Variants in SNRPN observed in about 807,000 individuals in gnomAD.
The protein encoded by SNRPN is small nuclear ribonucleoprotein polypeptide N, also known as small nuclear ribonucleoprotein-associated protein N.
Under a neutral mutation model 25.2 loss-of-function variants are expected in SNRPN, and 7 were observed. The observed-to-expected ratio is 0.28, with a 90% CI of 0.16 to 0.52. The LOEUF is 0.52. Among genes scored for constraint, SNRPN ranks in the 20% least tolerant of loss-of-function variants. SNRPN has a pLI of 0.96. For missense variants in SNRPN, 196 were observed against 322.5 expected, an observed-to-expected ratio of 0.61 and a Z score of 3.00; for synonymous variants, 124 against 110.6, an observed-to-expected ratio of 1.12 and a Z score of -0.76.
intron 2 of SNRPN, among the ~76,000 whole-genome samples, chr15:24,911,992 G>T (rs1349530580): frequency 2.6e-5 from 4 of 152,178 alleles, no homozygotes; most frequent in Non-Finnish European, 1.5e-5. Context: ...GGGTCCCCTG[G>T]GGGCTTGGGA....
intron 1 of SNRPN, among the ~76,000 whole-genome samples, chr15:24,864,883 T>G (rs559430032): frequency 6.6e-6 from 1 of 152,234 alleles, no homozygotes; most frequent in Non-Finnish European, 1.5e-5. Flanking sequence ...CTTAATTTTA[T>G]TGGGGTTTTA....
At chr15:24,962,362 A>G (rs2074967241) in intron 2 of SNRPN, among the ~76,000 whole-genome samples, 153 bp downstream of exon 2, 1 of 152,250 alleles carries the variant, frequency 6.6e-6, no homozygotes, top group Non-Finnish European at 1.5e-5. Flanking sequence ...TGAAATTCTT[A>G]ACCATATTAT....
upstream of SNRPN, among the ~76,000 whole-genome samples, chr15:24,952,578 C>T (rs2062362891): frequency 6.6e-6 from 1 of 152,102 alleles, no homozygotes; most frequent in Admixed American, 6.5e-5. Flanking sequence ...CCCATTGTGA[C>T]CTCTCAGACT....
chr15:24,941,803 G>C (rs2061573249), intron 3 of SNRPN, among the ~76,000 whole-genome samples: 1 of 151,942 alleles, frequency 6.6e-6, no homozygotes, highest in Non-Finnish European at 1.5e-5. Context: ...TTTTTAGACA[G>C]AGTCTCACTC....
chr15:24,857,196 T>C (rs1274156027), intron 1 of SNRPN, among the ~76,000 whole-genome samples: 1 of 148,346 alleles, frequency 6.7e-6, no homozygotes. Context: ...ACATTGCGAC[T>C]CCCATTCTAA....
chr15:24,920,971 T>C (rs1883409624), intron 3 of SNRPN, among the ~76,000 whole-genome samples: 1 of 152,122 alleles, frequency 6.6e-6, no homozygotes, highest in Admixed American at 6.6e-5. Context: ...AAGTAGATAA[T>C]GATTGAAAGA....
Position 24,957,299 on chromosome 15 carries a change from G to A in SNRPN, c.-391+2237G>A, listed in dbSNP as rs147750595. 1.7e-3 allele frequency among the ~76,000 whole-genome samples: 255 copies of A among 152,286 alleles called. 1 individual carries two copies. Among genetic ancestry groups the A allele is most frequent in the African/African-American group, 6.0e-3 (249 of 41,562 alleles). The stretch of plus-strand genomic sequence containing the variant: ...CACTGGACCTCTTCATCTTCTGGGA[G>A]TTGAAAGCTGCAAGTTTTGTGCTCA... On this transcript the variant is annotated intron_variant, in intron 1 of 9. Transcript: ENST00000390687.
chr15:24,928,360 TGTG>T lies in SNRPN; in HGVS notation c.-391+8240_-391+8242del, dbSNP rs1433536477. Among the ~76,000 whole-genome samples, 17 of 152,076 alleles carry T rather than the reference TGTG, an allele frequency of 1.1e-4. No individual in the cohort carries two copies. In the East Asian group the frequency reaches 1.7e-3, roughly 16 times the overall value. ...TCAACAGACAAATGGATTAAAAAAATGTGGTGCATATACACAATGGAATACTAT... is the reference window on the plus strand; with the variant it reads ...TCAACAGACAAATGGATTAAAAAAATGTGCATATACACAATGGAATACTAT... On this transcript the variant is annotated intron_variant, in intron 3 of 11. Transcript: ENST00000400097.
chr15:24,904,439 G>C (rs1168287673), intron 2 of SNRPN, among the ~76,000 whole-genome samples: 1 of 152,152 alleles, frequency 6.6e-6, no homozygotes, highest in African/African-American at 2.4e-5. Flanking sequence ...TGGATCACCT[G>C]AGGTTAGGAG....
At chr15:24,881,667 A>T (rs1223741205) in intron 1 of SNRPN, among the ~76,000 whole-genome samples, 3 of 151,974 alleles carry the variant, frequency 2.0e-5, no homozygotes, top group African/African-American at 7.3e-5. Context: ...AACTAAAAAA[A>T]AATCGTGTTC....
At chr15:24,953,882 G>A (rs1382292980), upstream of SNRPN, among the ~76,000 whole-genome samples, 1 of 152,078 alleles carries the variant, frequency 6.6e-6, no homozygotes, top group South Asian at 2.1e-4. Context: ...ATTTTGTTAC[G>A]ATAGAAGTCA....
chr15:24,958,448 G>A (rs1309605767), intron 1 of SNRPN, among the ~76,000 whole-genome samples: 2 of 137,900 alleles, frequency 1.5e-5, no homozygotes, highest in Non-Finnish European at 3.1e-5. Flanking sequence ...ACTACTTAAG[G>A]TAGCCTCTCT....
chr15:24,936,887 T>C (rs1244027560), intron 3 of SNRPN, among the ~76,000 whole-genome samples: 1 of 152,196 alleles, frequency 6.6e-6, no homozygotes, highest in African/African-American at 2.4e-5. Flanking sequence ...ATTTTACTTA[T>C]TTTCAGTTAT....
intron 1 of SNRPN, among the ~76,000 whole-genome samples, chr15:24,861,258 C>A (rs1036901077): frequency 6.6e-6 from 1 of 152,194 alleles, no homozygotes; most frequent in African/African-American, 2.4e-5. Flanking sequence ...GAAGGCATAG[C>A]CTACTACACA....
chr15:24,848,228 C>CGGG (rs1159549164), intron 2 of SNRPN: 1 of 21,440 alleles, frequency 4.7e-5, no homozygotes, highest in African/African-American at 1.5e-4. Context: ...GCGGGGGCGG[C>CGGG]GGTGGGGGCG....
intron 3 of SNRPN, among the ~76,000 whole-genome samples, chr15:24,928,276 T>A (rs771011915): frequency 1.8e-4 from 27 of 152,164 alleles, no homozygotes; most frequent in Non-Finnish European, 3.7e-4. Context: ...AGCTGCACTC[T>A]TGTGTTCATT....
chr15:24,936,748 C>A (rs2061257752), intron 3 of SNRPN, among the ~76,000 whole-genome samples: 2 of 151,952 alleles, frequency 1.3e-5, no homozygotes, highest in Non-Finnish European at 2.9e-5. Flanking sequence ...AGAAGAGCAC[C>A]AAAGGGGAAA....
At position 24,833,251 on chromosome 15, in the gene SNRPN, C is replaced by G. The variant is rs186266388; in HGVS notation, c.-579+3346C>G. ...TTTTTGGAAGCTTATGTCCATGTCT[C>G]CTGCTAACAGTAGATACTTGATTAG... On this transcript the variant is annotated intron_variant, in intron 2 of 12. Transcript: ENST00000400100. Among the ~76,000 whole-genome samples the G allele has an allele frequency of 3.8e-4, 58 of 151,812 alleles. 1 individual carries two copies. The highest frequency in any genetic ancestry group is 1.3e-3 in the African/African-American group (53 of 41,304).
At chr15:24,917,361 T>C (rs1355813035) in intron 2 of SNRPN, among the ~76,000 whole-genome samples, 4 of 152,220 alleles carry the variant, frequency 2.6e-5, no homozygotes, top group South Asian at 2.1e-4. Flanking sequence ...TGTTTTATAG[T>C]AGATGTTATG....
Sources: allele counts gnomAD v4.1 joint callset (sites outside exome capture counted in the v4.1 genomes callset), GRCh38; gene constraint gnomAD v4.1.1; transcripts MANE v1.5; gene names NCBI Gene and HGNC (gene_info 2026-07-23, HGNC 2026-07-21).